Variants in EXOC6B observed in about 807,000 individuals in gnomAD.
EXOC6B encodes SEC15 homolog B.
Under a neutral mutation model 113.5 loss-of-function variants are expected in EXOC6B, and 54 were observed. The ratio of observed to expected loss-of-function variants is 0.48; its 90% CI spans 0.38 to 0.60. EXOC6B has a LOEUF of 0.60. Among genes scored for constraint, EXOC6B ranks in the 20% least tolerant of loss-of-function variants. The pLI is 0.00. For synonymous variants in EXOC6B, 357 were observed against 339.0 expected (o/e 1.05, Z -0.58); for missense variants, 797 against 977.5 (o/e 0.82, Z 2.46).
At chr2:72,482,485 A>G (rs1202737835) in intron 16 of EXOC6B, among the ~76,000 whole-genome samples, 3 of 150,406 alleles carry the variant, frequency 2.0e-5, no homozygotes, top group African/African-American at 4.9e-5. Flanking sequence ...CTAGTGAGAC[A>G]GTGAGCCAAG....
chr2:72,410,272 A>G (rs1448394248), intron 18 of EXOC6B, among the ~76,000 whole-genome samples: 8 of 152,220 alleles, frequency 5.3e-5, no homozygotes, highest in Non-Finnish European at 8.8e-5. Flanking sequence ...GCAATGTTCA[A>G]TCTTATTTCC....
intron 20 of EXOC6B, among the ~76,000 whole-genome samples, chr2:72,259,301 G>A (rs1051599290): frequency 2.0e-5 from 3 of 152,044 alleles, no homozygotes; most frequent in Non-Finnish European, 4.4e-5. Context: ...GTTCTCTTTT[G>A]CATATTTCTT....
At chr2:72,793,131 G>A (rs1363005162) in intron 1 of EXOC6B, among the ~76,000 whole-genome samples, 2 of 151,992 alleles carry the variant, frequency 1.3e-5, no homozygotes, top group Non-Finnish European at 2.9e-5. Context: ...TTTAGCTACT[G>A]TGTACATTTG....
At chr2:72,458,620 C>T (rs1488136815) in intron 18 of EXOC6B, among the ~76,000 whole-genome samples, 1 of 152,036 alleles carries the variant, frequency 6.6e-6, no homozygotes. Flanking sequence ...CAACTCTATC[C>T]ACACTGAGAC....
At chr2:72,644,568 C>T (rs1673540867) in intron 6 of EXOC6B, among the ~76,000 whole-genome samples, 1 of 152,136 alleles carries the variant, frequency 6.6e-6, no homozygotes, top group South Asian at 2.1e-4. Context: ...AAGGGAAGCC[C>T]ATCAGACTAA....
chr2:72,675,648 C>A (rs1002043697), intron 6 of EXOC6B, among the ~76,000 whole-genome samples: 4 of 152,044 alleles, frequency 2.6e-5, no homozygotes, highest in South Asian at 2.1e-4. Flanking sequence ...CAAAAATTAG[C>A]CAGGCATGGT....
chr2:72,432,594 C>G (rs1048606906), intron 18 of EXOC6B, among the ~76,000 whole-genome samples: 1 of 152,136 alleles, frequency 6.6e-6, no homozygotes, highest in Non-Finnish European at 1.5e-5. Context: ...TCTGTTGTTT[C>G]CTGACTTCTT....
chr2:72,692,421 G>A (rs1295892145), intron 6 of EXOC6B, among the ~76,000 whole-genome samples: 4 of 149,612 alleles, frequency 2.7e-5, no homozygotes, highest in Admixed American at 1.3e-4. Flanking sequence ...GCACGATGTC[G>A]GCTCACTGCA....
At position 72,465,731 on chromosome 2, in the gene EXOC6B, T is replaced by G. The variant is rs901126397; in HGVS notation, c.1801-392A>C. Among the ~76,000 whole-genome samples, 5 of 152,300 alleles carry G rather than the reference T, an allele frequency of 3.3e-5. No individual in the cohort carries two copies. In the South Asian group the frequency reaches 1.0e-3, roughly 32 times the overall value. ...ACAACCAGTATTCCAATGCTAAAAT[T>G]CCATCAACACAGACTTGTGCAGAGT... On this transcript the variant is annotated intron_variant, in intron 17 of 21. Coordinates refer to ENST00000272427, the MANE Select transcript of EXOC6B (RefSeq NM_015189.3).
At chr2:72,640,983 A>G (rs1673180804) in intron 6 of EXOC6B, among the ~76,000 whole-genome samples, 2 of 152,252 alleles carry the variant, frequency 1.3e-5, no homozygotes, top group Non-Finnish European at 2.9e-5. Context: ...AAGTGCTTAA[A>G]GGCCTTCAAA....
chr2:72,583,950 G>C (rs185951406), intron 6 of EXOC6B, among the ~76,000 whole-genome samples: 1 of 152,212 alleles, frequency 6.6e-6, no homozygotes, highest in East Asian at 1.9e-4. Context: ...TCAAACTCCT[G>C]ACCTCAAGTG....
intron 1 of EXOC6B, among the ~76,000 whole-genome samples, chr2:72,802,415 C>T (rs111299297): frequency 4.0e-5 from 6 of 151,538 alleles, no homozygotes; most frequent in African/African-American, 1.5e-4. Flanking sequence ...CTATATAATA[C>T]TATACTTAAT....
At chr2:72,398,246 C>G (rs1431701722) in intron 18 of EXOC6B, among the ~76,000 whole-genome samples, 1 of 152,164 alleles carries the variant, frequency 6.6e-6, no homozygotes, top group Non-Finnish European at 1.5e-5. Context: ...TCTTTTCTGG[C>G]CTTTGGACCC....
At chr2:72,516,338 T>C (rs113085287) in intron 8 of EXOC6B, among the ~76,000 whole-genome samples, 20,194 of 152,084 alleles carry the variant, frequency 0.13, 1,533 homozygotes, top group African/African-American at 0.2. Flanking sequence ...ACCTCTGCCT[T>C]CTGTGTTCAA....
chr2:72,683,170 C>G (rs1009216819), intron 6 of EXOC6B, among the ~76,000 whole-genome samples: 1 of 152,036 alleles, frequency 6.6e-6, no homozygotes, highest in Non-Finnish European at 1.5e-5. Context: ...AAGCTTTTAC[C>G]ATCTGAATCA....
chr2:72,377,313 C>T (rs944111757), intron 19 of EXOC6B, among the ~76,000 whole-genome samples: 6 of 152,072 alleles, frequency 3.9e-5, no homozygotes, highest in South Asian at 2.1e-4. Context: ...GTAGTTTTAA[C>T]GTATACAACT....
At chr2:72,735,210 A>G (rs1680871505) in intron 2 of EXOC6B, among the ~76,000 whole-genome samples, 1 of 152,162 alleles carries the variant, frequency 6.6e-6, no homozygotes, top group African/African-American at 2.4e-5. Context: ...CAGCAACATT[A>G]TCTACTAGAG....
At chr2:72,329,385 C>T (rs1308354021) in intron 20 of EXOC6B, among the ~76,000 whole-genome samples, 1 of 152,066 alleles carries the variant, frequency 6.6e-6, no homozygotes, top group African/African-American at 2.4e-5. Context: ...AGCCCCACCT[C>T]CTATGAAGCC....
chr2:72,225,457 T>G (rs1323230064), intron 20 of EXOC6B, among the ~76,000 whole-genome samples: 2 of 152,184 alleles, frequency 1.3e-5, no homozygotes, highest in Non-Finnish European at 1.5e-5. Context: ...AAAAAATCAT[T>G]ATTGGAATGA....
Sources: gnomAD v4.1 joint callset for allele counts (sites outside exome capture counted in the v4.1 genomes callset) on GRCh38, gnomAD v4.1.1 for gene constraint, MANE v1.5 for transcripts, NCBI Gene and HGNC (gene_info 2026-07-23, HGNC 2026-07-21) for gene names.